Variants in UNC13A observed in about 807,000 individuals in gnomAD.
UNC13A encodes the protein unc-13 homolog A, also known as protein unc-13 homolog A.
A neutral mutation model predicts 219.7 loss-of-function variants in UNC13A; 61 were observed. That is an observed-to-expected ratio of 0.28 (90% CI 0.23 to 0.34). UNC13A has a LOEUF of 0.34. Ranked by LOEUF, UNC13A falls within the 10% of genes least tolerant of loss-of-function variation. UNC13A has a pLI of 1.00. For synonymous variants in UNC13A, 920 were observed against 884.6 expected (o/e 1.04, Z -0.71); for missense variants, 1,476 against 2,270.3 (o/e 0.65, Z 7.11).
chr19:17,656,203 C>T lies in UNC13A; in HGVS notation c.963G>A (p.Glu321=), dbSNP rs927227025. 9.7e-6 allele frequency: 15 copies of T among 1,552,290 alleles called. No individual in the cohort carries two copies. Among genetic ancestry groups the T allele is most frequent in the Non-Finnish European group, 1.2e-5 (14 of 1,147,136 alleles). The part of the protein sequence containing the change: ...HKDSPRWDQD[E]EELEEDLEDF... ...CCTCCAGGTCCTCCTCCAGCTCTTC[C>T]TCATCCTGGTCCCAGCGAGGCGAGT... Residue 321 remains glutamate (E), a synonymous_variant, in exon 10 of 44, where the codon GAG becomes GAA. Coordinates refer to ENST00000519716, the MANE Select transcript of UNC13A (RefSeq NM_001080421.3).
chr19:17,674,613 G>A lies in UNC13A; in HGVS notation c.152+44C>T. The stretch of plus-strand genomic sequence containing the variant: ...GCCCTGAGGGGCCAGCGAGGTGCTG[G>A]GCTATGCCAGGGAGTGAGGTCATGC... On this transcript the variant is annotated intron_variant, in intron 3 of 43. Transcript: ENST00000519716. The surrounding 1 kb of genome is among the most constrained non-coding windows in gnomAD (Gnocchi z 5.0). 1 of 1,573,956 alleles carries A rather than the reference G, an allele frequency of 6.4e-7. No individual in the cohort carries two copies. Among genetic ancestry groups the A allele is most frequent in the Non-Finnish European group, 8.7e-7 (1 of 1,145,698 alleles).
In UNC13A at chr19:17,639,053, T is replaced by C. The variant is rs200088572; in HGVS notation, c.3081+30A>G. The C allele has an allele frequency of 3.4e-4, 533 of 1,551,832 alleles. 1 individual carries two copies. The highest frequency in any genetic ancestry group is 4.3e-4 in the Non-Finnish European group (492 of 1,145,856). ...GAAGCCTGTGTCTAGTTGGCATCAC[T>C]GTTCCCTTCTGACCCATCTGGAGTC... On this transcript the variant is annotated intron_variant, in intron 25 of 43. Coordinates refer to ENST00000519716, the MANE Select transcript of UNC13A (RefSeq NM_001080421.3).
At position 17,664,045 on chromosome 19, in the gene UNC13A, G is replaced by A. The variant is rs577508333; in HGVS notation, c.524-478C>T. Among the ~76,000 whole-genome samples the A allele has an allele frequency of 2.5e-4, 38 of 152,068 alleles. No individual in the cohort carries two copies. The South Asian group carries it at 7.1e-3, about 28-fold the overall frequency. On this transcript the variant is annotated intron_variant, in intron 7 of 43. Transcript: ENST00000519716. Reference sequence around the variant, plus strand: ...TGTTGGTCAGGCTGGTCTCAAACACGTGGTCTCAAGTGAGGCCGAGTAGCT... The same window carrying A: ...TGTTGGTCAGGCTGGTCTCAAACACATGGTCTCAAGTGAGGCCGAGTAGCT...
At chr19:17,685,839 G>A (rs1416016458) in intron 1 of UNC13A, among the ~76,000 whole-genome samples, 1 of 152,046 alleles carries the variant, frequency 6.6e-6, no homozygotes, top group African/African-American at 2.4e-5. Context: ...GGGGGGACAG[G>A]TATTTCCTCA....
rs1381699671 is a variant in UNC13A at position 17,630,671 on chromosome 19, G to A, written c.3508C>T (p.Arg1170Ter). Residue 1170 changes from arginine to a stop codon, truncating the protein, a stop_gained, in exon 29 of 44, where the codon CGA (arginine) becomes TGA (stop). Coordinates refer to ENST00000519716, the MANE Select transcript of UNC13A (RefSeq NM_001080421.3). LOFTEE classifies it high-confidence loss of function. ...SRDFLHGALE[R>*]DKKDGFQQTS... ...CTTCTTACCCCATCCTTCTTGTCTCGCTCCAGGGCACCGTGCAGGAAATCC... is the reference window on the plus strand; with the variant it reads ...CTTCTTACCCCATCCTTCTTGTCTCACTCCAGGGCACCGTGCAGGAAATCC... The A allele has an allele frequency of 4.3e-6, 7 of 1,613,812 alleles. No individual in the cohort carries two copies. The highest frequency in any genetic ancestry group is 2.2e-5 in the South Asian group (2 of 91,074).
chr19:17,656,317 G>A lies in UNC13A; in HGVS notation c.849C>T (p.Asp283=), dbSNP rs962413745. 1.2e-5 allele frequency: 18 copies of A among 1,556,322 alleles called. No homozygotes were observed. The highest frequency in any genetic ancestry group is 1.1e-4 in the African/African-American group (8 of 73,352). Residue 283 remains aspartate, a synonymous_variant, in exon 10 of 44, where the codon GAC becomes GAT. Coordinates refer to ENST00000519716, the MANE Select transcript of UNC13A (RefSeq NM_001080421.3). ...TGTCGGAGCCCTGCAGGCTGTGCTC[G>A]TCAGGGTCGAAGTCCTCGCTCAGCT... The part of the protein sequence containing the change: ...SSQLSEDFDP[D]EHSLQGSDME...
At chr19:17,666,128 TTCTTTTTC>T (rs2079639261) in intron 7 of UNC13A, among the ~76,000 whole-genome samples, 2 of 127,038 alleles carry the variant, frequency 1.6e-5, no homozygotes. Flanking sequence ...TTTCTTTTCT[TTCTTTTTC>T]TTTCTTTCTT....
intron 11 of UNC13A, among the ~76,000 whole-genome samples, chr19:17,653,401 G>A (rs2079388675): frequency 6.6e-6 from 1 of 151,552 alleles, no homozygotes; most frequent in South Asian, 2.1e-4. Context: ...AGGCTGGAGT[G>A]CAGTGGCGCA....
chr19:17,637,587 T>C (rs144168182), intron 25 of UNC13A, among the ~76,000 whole-genome samples: 2,745 of 152,278 alleles, frequency 0.018, 99 homozygotes, highest in African/African-American at 0.063. Context: ...CGTGAGCCAC[T>C]GTGCCTGGCC....
chr19:17,630,585 G>T, intron 29 of UNC13A, 69 bp downstream of exon 29: 1 of 1,550,578 alleles, frequency 6.4e-7, no homozygotes, highest in Non-Finnish European at 8.9e-7. Flanking sequence ...CTCATCTCAA[G>T]GGCAAATTTC....
At chr19:17,672,319 G>A (rs1453133963) in intron 4 of UNC13A, 59 bp downstream of exon 4, 21 of 1,364,862 alleles carry the variant, frequency 1.5e-5, no homozygotes, top group South Asian at 3.5e-5. Context: ...TAGTCCACTG[G>A]TCTCTGGGCT....
intron 26 of UNC13A, among the ~76,000 whole-genome samples, chr19:17,634,249 T>TATCC (rs1415047307): frequency 6.6e-6 from 1 of 151,224 alleles, no homozygotes; most frequent in Non-Finnish European, 1.5e-5. Flanking sequence ...TCCATCCACC[T>TATCC]ATCCATCCAT....
chr19:17,661,035 C>T (rs1233159289), intron 8 of UNC13A, among the ~76,000 whole-genome samples: 3 of 151,772 alleles, frequency 2.0e-5, no homozygotes, highest in Non-Finnish European at 4.4e-5. Context: ...ACCTCCTGGG[C>T]TCAAACAACC....
At chr19:17,618,991 G>A (rs1355619081) in intron 38 of UNC13A, 29 bp from the exon 39 acceptor site, 2 of 1,611,218 alleles carry the variant, frequency 1.2e-6, no homozygotes, top group Admixed American at 1.7e-5. Flanking sequence ...AGCTGGGTGA[G>A]GGCAGGGGTG....
chr19:17,675,644 AAAG>A lies in UNC13A; in HGVS notation c.52+365_52+367del, dbSNP rs1555698645. Reference sequence around the variant, plus strand: ...AGACTCTGTCTCAAAAAAAAAAAAAAAAGAAGAAGAAGAAAAGAAAGAAACTCC... The same window carrying A: ...AGACTCTGTCTCAAAAAAAAAAAAAAAAGAAGAAGAAAAGAAAGAAACTCC... On this transcript the variant is annotated intron_variant, in intron 2 of 43. Transcript: ENST00000519716. Among the ~76,000 whole-genome samples, 179 of 145,864 alleles carry A rather than the reference AAAG, an allele frequency of 1.2e-3. 2 individuals are homozygous for A. Among genetic ancestry groups the A allele is most frequent in the African/African-American group, 3.1e-3 (118 of 38,532 alleles).
Position 17,666,790 on chromosome 19 carries a change from C to A in UNC13A, c.469-86G>T, listed in dbSNP as rs373503990. 341 of 1,062,252 alleles carry A rather than the reference C, an allele frequency of 3.2e-4. No homozygotes were observed. In the African/African-American group the frequency reaches 5.1e-3, roughly 16 times the overall value. 65.8% of individuals were successfully genotyped at this position (1,062,252 alleles called of 1,614,324 possible). ...GGATAGTCCTCTGTTCTGTCCCATC[C>A]CGACTTCCCTCTACCTCCCAAATTC... On this transcript the variant is annotated intron_variant, in intron 6 of 43. Transcript: ENST00000519716.
chr19:17,602,789 G>A lies in UNC13A; in HGVS notation c.*3265C>T, dbSNP rs529523441. The A allele has an allele frequency of 6.6e-6, 1 of 152,464 alleles. No homozygotes were observed. Among genetic ancestry groups the A allele is most frequent in the South Asian group, 2.1e-4 (1 of 4,830 alleles). The allele number at this position is 152,464 out of a possible 1,614,324, so 9.4% of individuals were successfully genotyped here. A position where few individuals can be genotyped will look rare whatever the true frequency, so the allele number is the denominator to read the frequency against. ...GGGAAGGTTGGTACGGACAGACATG[G>A]ACAGACATGCATGCGGATGTGTATT... On this transcript the variant is annotated 3_prime_UTR_variant, in exon 44 of 44. Coordinates refer to ENST00000519716, the MANE Select transcript of UNC13A (RefSeq NM_001080421.3).
chr19:17,622,208 T>C (rs540735076), intron 36 of UNC13A, among the ~76,000 whole-genome samples: 98 of 152,358 alleles, frequency 6.4e-4, no homozygotes, highest in African/African-American at 2.3e-3. Context: ...CTCTTGGTTC[T>C]TGGGTTAACA....
intron 12 of UNC13A, 76 bp downstream of exon 12, chr19:17,652,555 C>A (rs1024179716): frequency 1.3e-6 from 2 of 1,595,356 alleles, no homozygotes; most frequent in African/African-American, 1.3e-5. Flanking sequence ...CCTCTCTGGG[C>A]TGAGGCTCAG....
Sources: allele counts gnomAD v4.1 joint callset (sites outside exome capture counted in the v4.1 genomes callset), GRCh38; gene constraint gnomAD v4.1.1; non-coding constraint Gnocchi (gnomAD v3.1); transcripts MANE v1.5; gene names NCBI Gene and HGNC (gene_info 2026-07-23, HGNC 2026-07-21).